The following ADGRL3 variants were observed in gnomAD, a reference collection of about 807,000 sequenced individuals.
ADGRL3 encodes the protein calcium-independent alpha-latrotoxin receptor 3.
ADGRL3 carries 62 observed loss-of-function variants against 153.5 expected under a neutral mutation model. The observed-to-expected ratio is 0.40, with a 90% CI of 0.33 to 0.50. The LOEUF is 0.50. Among genes scored for constraint, ADGRL3 ranks in the 20% least tolerant of loss-of-function variants. ADGRL3 has a pLI of 0.47. For synonymous variants in ADGRL3, 710 were observed against 672.5 expected (o/e 1.06, Z -0.86); for missense variants, 1,641 against 1,859.4 (o/e 0.88, Z 2.16).
chr4:61,824,055 C>T (rs892944686), intron 9 of ADGRL3, among the ~76,000 whole-genome samples: 1 of 104,710 alleles, frequency 9.6e-6, no homozygotes, highest in African/African-American at 5.3e-5. Context: ...GAGCGAGAAT[C>T]CGTCTCAAAA....
chr4:61,704,203 G>A (rs1224311955), intron 6 of ADGRL3, among the ~76,000 whole-genome samples: 2 of 152,122 alleles, frequency 1.3e-5, no homozygotes, highest in Non-Finnish European at 2.9e-5. Context: ...AAATGTATCA[G>A]AGTCTCCCAC....
At chr4:61,434,505 G>T (rs1342548291) in intron 2 of ADGRL3, among the ~76,000 whole-genome samples, 1 of 152,070 alleles carries the variant, frequency 6.6e-6, no homozygotes. Flanking sequence ...TGCTAAAAAT[G>T]AAATGATATT....
chr4:61,571,452 G>C (rs759053153), intron 4 of ADGRL3, among the ~76,000 whole-genome samples: 2 of 152,150 alleles, frequency 1.3e-5, no homozygotes, highest in Non-Finnish European at 1.5e-5. Flanking sequence ...GTTCAAGGCT[G>C]CAGTGAGCTA....
intron 6 of ADGRL3, among the ~76,000 whole-genome samples, chr4:61,695,920 A>G (rs1372096117): frequency 1.3e-5 from 2 of 152,120 alleles, no homozygotes; most frequent in African/African-American, 4.8e-5. Context: ...TCAGAAACCA[A>G]TGTCTGCTAG....
At chr4:61,510,700 C>G (rs536450139) in intron 3 of ADGRL3, among the ~76,000 whole-genome samples, 1 of 152,252 alleles carries the variant, frequency 6.6e-6, no homozygotes, top group South Asian at 2.1e-4. Context: ...TGTGATGCCT[C>G]CAGCTTTGTT....
chr4:61,476,875 G>A (rs941591913), intron 2 of ADGRL3, among the ~76,000 whole-genome samples: 2 of 151,576 alleles, frequency 1.3e-5, no homozygotes, highest in African/African-American at 2.4e-5. Flanking sequence ...GAGCCTGGCC[G>A]GCAATGACTC....
rs1356858781 is a variant in ADGRL3, at chr4:61,948,214, A to G, written c.2743A>G (p.Thr915Ala). The change falls in exon 17 of 27, where the codon ACT (threonine) becomes GCT (alanine). Residue 915 changes from threonine to alanine, a missense_variant. Thr to Ala is a moderately conservative substitution (Grantham distance 58). This residue lies in a region of ADGRL3 where 734 missense variants were observed against 797.0 expected (regional missense o/e 0.92). Coordinates refer to ENST00000683033, the MANE Select transcript of ADGRL3 (RefSeq NM_001387552.1). ...CRLLTTNKTHTTCSCNHLTNF... is the reference protein window; with the variant it reads ...CRLLTTNKTHATCSCNHLTNF... ...GCTCCTGACAACAAATAAGACACAT[A>G]CTACATGCTCTTGTAACCACCTAAC... 3.7e-6 allele frequency: 6 copies of G among 1,613,790 alleles called. No homozygotes were observed. The African/African-American group carries it at 4.0e-5, about 11-fold the overall frequency.
chr4:61,406,587 C>A (rs2097000597), intron 2 of ADGRL3, among the ~76,000 whole-genome samples: 1 of 151,230 alleles, frequency 6.6e-6, no homozygotes, highest in Admixed American at 6.6e-5. Flanking sequence ...CATTCCTGGG[C>A]TTATATTATT....
intron 6 of ADGRL3, chr4:61,677,364 A>G: frequency 2.4e-6 from 1 of 408,704 alleles, no homozygotes; most frequent in South Asian, 1.8e-5. Flanking sequence ...ACATTTTGAG[A>G]ATTAGAAATA....
intron 1 of ADGRL3, among the ~76,000 whole-genome samples, chr4:61,307,398 T>C (rs2094830247): frequency 6.6e-6 from 1 of 152,144 alleles, no homozygotes; most frequent in Non-Finnish European, 1.5e-5. Context: ...AAAATAAATG[T>C]CAGTGTTAGT....
chr4:61,514,602 A>G (rs1270869255), intron 3 of ADGRL3, among the ~76,000 whole-genome samples: 1 of 152,032 alleles, frequency 6.6e-6, no homozygotes, highest in Non-Finnish European at 1.5e-5. Context: ...TTTTTCTGTC[A>G]CCCATTGGAT....
chr4:61,429,381 A>G (rs1235030445), intron 2 of ADGRL3, among the ~76,000 whole-genome samples: 1 of 152,194 alleles, frequency 6.6e-6, no homozygotes, highest in Admixed American at 6.5e-5. Flanking sequence ...AGGTGAAAGA[A>G]TCAGTCATAC....
Position 61,415,728 on chromosome 4 carries a change from T to A in ADGRL3, c.-174+32539T>A, listed in dbSNP as rs1031883283. 7.2e-5 allele frequency among the ~76,000 whole-genome samples: 11 copies of A among 152,228 alleles called. No individual in the cohort carries two copies. In the South Asian group the frequency reaches 8.3e-4, roughly 11 times the overall value. On this transcript the variant is annotated intron_variant, in intron 2 of 26. Transcript: ENST00000683033. The stretch of plus-strand genomic sequence containing the variant: ...TTTTGTTTTCTCCTCTTCTACCATC[T>A]CATGAAAGAAATGATCTTTATTTAA...
At chr4:61,681,250 G>C (rs1223880272) in intron 6 of ADGRL3, among the ~76,000 whole-genome samples, 1 of 152,068 alleles carries the variant, frequency 6.6e-6, no homozygotes, top group Non-Finnish European at 1.5e-5. Flanking sequence ...CCTACTCAGA[G>C]TATTTCTGAG....
chr4:61,336,428 A>C (rs2095675617), intron 1 of ADGRL3, among the ~76,000 whole-genome samples: 1 of 152,156 alleles, frequency 6.6e-6, no homozygotes, highest in African/African-American at 2.4e-5. Flanking sequence ...AGGTCTGTGA[A>C]GCTAAGTCTC....
At chr4:61,571,234 G>A (rs1200083120) in intron 4 of ADGRL3, among the ~76,000 whole-genome samples, 8 of 151,786 alleles carry the variant, frequency 5.3e-5, no homozygotes, top group Non-Finnish European at 7.4e-5. Context: ...CAGCACTTTG[G>A]GAGGCTGAGG....
intron 3 of ADGRL3, among the ~76,000 whole-genome samples, chr4:61,507,635 G>A (rs921801859): frequency 6.6e-5 from 10 of 152,134 alleles, no homozygotes; most frequent in Non-Finnish European, 1.3e-4. Context: ...TTGTGGGGGG[G>A]GACTTTAAAA....
intron 6 of ADGRL3, chr4:61,677,261 G>A: frequency 3.3e-6 from 1 of 304,090 alleles, no homozygotes; most frequent in Non-Finnish European, 6.4e-6. Context: ...GCAGATAAGA[G>A]GTGAAAATGA....
intron 8 of ADGRL3, among the ~76,000 whole-genome samples, chr4:61,785,037 T>G (rs1417658442): frequency 6.6e-6 from 1 of 152,156 alleles, no homozygotes; most frequent in East Asian, 1.9e-4. Flanking sequence ...AAGTGACATG[T>G]GAGTGCTACC....
Sources: allele counts gnomAD v4.1 joint callset (sites outside exome capture counted in the v4.1 genomes callset), GRCh38; gene constraint gnomAD v4.1.1; regional missense constraint gnomAD v4.1.1; transcripts MANE v1.5; gene names NCBI Gene and HGNC (gene_info 2026-07-23, HGNC 2026-07-21).